The following CAMTA1 variants were observed in gnomAD, a reference collection of about 807,000 sequenced individuals.
CAMTA1 encodes calmodulin-binding transcription activator 1.
A neutral mutation model predicts 170.9 loss-of-function variants in CAMTA1; 27 were observed. The ratio of observed to expected loss-of-function variants is 0.16; its 90% CI spans 0.12 to 0.22. The LOEUF is 0.22. Ranked by LOEUF, CAMTA1 falls within the 10% of genes least tolerant of loss-of-function variation. The probability of loss-of-function intolerance (pLI) is 1.00; values close to 1 mark genes in which losing one functional copy is unlikely to be tolerated. For missense variants in CAMTA1, 1,619 were observed against 2,217.2 expected (o/e 0.73, Z 5.42); for synonymous variants, 833 against 891.5 (o/e 0.93, Z 1.17).
At chr1:7,549,033 C>A (rs1396791667) in intron 6 of CAMTA1, among the ~76,000 whole-genome samples, 1 of 141,344 alleles carries the variant, frequency 7.1e-6, no homozygotes, top group Non-Finnish European at 1.6e-5. Flanking sequence ...GGTGGAGATG[C>A]CCATGGAAGG....
intron 6 of CAMTA1, among the ~76,000 whole-genome samples, chr1:7,505,290 AAG>A (rs2094084990): frequency 6.6e-6 from 1 of 152,220 alleles, no homozygotes; most frequent in Non-Finnish European, 1.5e-5. Context: ...CCCGGCAGCC[AAG>A]TCGAGGCTCC....
At position 7,286,135 on chromosome 1, in the gene CAMTA1, G is replaced by A. The variant is rs530184558; in HGVS notation, c.438+36509G>A. 4.6e-5 allele frequency among the ~76,000 whole-genome samples: 7 copies of A among 152,314 alleles called. No individual in the cohort carries two copies. The highest frequency in any genetic ancestry group is 1.9e-4 in the East Asian group (1 of 5,186). ...TGTTCTTGAGGTGTGCACAGCCTGCGTGCTGAGGGGATGAGTGAGCCTGCT... is the reference window on the plus strand; with the variant it reads ...TGTTCTTGAGGTGTGCACAGCCTGCATGCTGAGGGGATGAGTGAGCCTGCT... On this transcript the variant is annotated intron_variant, in intron 5 of 22. Transcript: ENST00000303635. This position sits in a 1 kb window ranked among gnomAD's most constrained non-coding sequence, Gnocchi z 4.2.
At chr1:7,005,547 C>A (rs576287641) in intron 3 of CAMTA1, among the ~76,000 whole-genome samples, 30 of 152,224 alleles carry the variant, frequency 2.0e-4, no homozygotes, top group Middle Eastern at 3.4e-3. Flanking sequence ...TGAGGATGTG[C>A]TCGTGGGTGA....
intron 6 of CAMTA1, among the ~76,000 whole-genome samples, chr1:7,548,156 T>C (rs1341629628): frequency 6.6e-6 from 1 of 152,230 alleles, no homozygotes; most frequent in Non-Finnish European, 1.5e-5. Context: ...GCAACAGGCA[T>C]TAACCAGGTC....
chr1:7,614,277 G>A (rs1576406453), intron 6 of CAMTA1, among the ~76,000 whole-genome samples: 2 of 152,204 alleles, frequency 1.3e-5, no homozygotes, highest in Admixed American at 6.5e-5. Context: ...GCTGGCCTAT[G>A]TGTCCATCCC....
At chr1:7,396,875 T>A (rs928938217) in intron 5 of CAMTA1, among the ~76,000 whole-genome samples, 1 of 152,236 alleles carries the variant, frequency 6.6e-6, no homozygotes, top group Non-Finnish European at 1.5e-5. Flanking sequence ...ATCTCTTTAA[T>A]GTACTGTTGA....
rs535251766 is a variant in CAMTA1, at chr1:6,825,057, T to C, written c.116-35T>C. ...GTACTTTAAAGGAGATTTTATCTAT[T>C]ATTTTCTCTAAATTTATTGTTTTCT... On this transcript the variant is annotated intron_variant, in intron 2 of 22. Transcript: ENST00000303635. 3.2e-6 allele frequency: 4 copies of C among 1,259,414 alleles called. No homozygotes were observed. The South Asian group carries it at 5.3e-5, about 17-fold the overall frequency. The allele number at this position is 1,259,414 out of a possible 1,614,324, so 78.0% of individuals were successfully genotyped here. A position where few individuals can be genotyped will look rare whatever the true frequency, so the allele number is the denominator to read the frequency against.
chr1:7,287,679 C>T (rs970163557), intron 5 of CAMTA1, among the ~76,000 whole-genome samples: 3 of 152,152 alleles, frequency 2.0e-5, no homozygotes, highest in Admixed American at 2.0e-4. Flanking sequence ...CCCTGGAATG[C>T]CAGTGGCTTA....
chr1:7,663,228 G>A (rs1478543093), intron 8 of CAMTA1, 125 bp from the exon 9 acceptor site: 5 of 1,337,466 alleles, frequency 3.7e-6, no homozygotes, highest in Non-Finnish European at 5.0e-6. Context: ...GACTTTGCCA[G>A]GGACCCCAGC....
intron 5 of CAMTA1, among the ~76,000 whole-genome samples, chr1:7,462,196 C>T (rs1176592870): frequency 1.3e-5 from 2 of 151,318 alleles, no homozygotes; most frequent in South Asian, 2.1e-4. Context: ...GGTGTGATCT[C>T]GGCTCACCAC....
rs973681494 is a variant in CAMTA1, at chr1:7,300,513, C to T, written c.438+50887C>T. On this transcript the variant is annotated intron_variant, in intron 5 of 22. Transcript: ENST00000303635. This position sits in a 1 kb window ranked among gnomAD's most constrained non-coding sequence, Gnocchi z 4.1. Reference sequence around the variant, plus strand: ...CCAACATGGTGAAACCCCGTCTCTACTAAAAATACAAAAATTAGTCAGGCC... The same window carrying T: ...CCAACATGGTGAAACCCCGTCTCTATTAAAAATACAAAAATTAGTCAGGCC... Among the ~76,000 whole-genome samples, 2 of 152,152 alleles carry T rather than the reference C, an allele frequency of 1.3e-5. No homozygotes were observed. The highest frequency in any genetic ancestry group is 4.8e-5 in the African/African-American group (2 of 41,432).
chr1:7,681,281 G>A lies in CAMTA1; in HGVS notation c.2914+3548G>A, dbSNP rs1289361123. 6.6e-6 allele frequency among the ~76,000 whole-genome samples: 1 copy of A among 152,202 alleles called. No individual in the cohort carries two copies. Among genetic ancestry groups the A allele is most frequent in the Non-Finnish European group, 1.5e-5 (1 of 68,040 alleles). On this transcript the variant is annotated intron_variant, in intron 11 of 22. Transcript: ENST00000303635. The surrounding 1 kb of genome is among the most constrained non-coding windows in gnomAD (Gnocchi z 4.6). ...TGAATGCAGGCACACGTGAATGAGT[G>A]CAGGAGGGACTGTCAAAAAGCTGAA... is the stretch of plus-strand genomic sequence containing the variant.
chr1:7,582,021 G>C (rs1478980420), intron 6 of CAMTA1, among the ~76,000 whole-genome samples: 1 of 152,144 alleles, frequency 6.6e-6, no homozygotes, highest in Non-Finnish European at 1.5e-5. Flanking sequence ...TGCTCTTGTT[G>C]GCTTTCTGGG....
intron 6 of CAMTA1, among the ~76,000 whole-genome samples, chr1:7,549,046 C>T (rs2094758304): frequency 7.3e-6 from 1 of 137,290 alleles, no homozygotes; most frequent in African/African-American, 2.7e-5. Flanking sequence ...ATGGAAGGTG[C>T]CCCCTTAGGG....
intron 6 of CAMTA1, among the ~76,000 whole-genome samples, chr1:7,586,850 G>A (rs1267436959): frequency 6.6e-6 from 1 of 152,050 alleles, no homozygotes; most frequent in East Asian, 1.9e-4. Context: ...GAACTGAGGT[G>A]CCCCTTGCTG....
Position 7,010,794 on chromosome 1 carries a change from T to C in CAMTA1, c.235-80510T>C, listed in dbSNP as rs1699666389. ...ATTTCTTACTAACAGTTTCTTGTAC[T>C]CAGCTTCCCCATCACCTTCCTTCCA... On this transcript the variant is annotated intron_variant, in intron 3 of 22. Transcript: ENST00000303635. This position sits in a 1 kb window ranked among gnomAD's most constrained non-coding sequence, Gnocchi z 4.4. Among the ~76,000 whole-genome samples, 1 of 152,204 alleles carries C rather than the reference T, an allele frequency of 6.6e-6. No individual in the cohort carries two copies. Among genetic ancestry groups the C allele is most frequent in the South Asian group, 2.1e-4 (1 of 4,832 alleles).
At chr1:6,869,238 C>T (rs1050088772) in intron 3 of CAMTA1, among the ~76,000 whole-genome samples, 1 of 152,136 alleles carries the variant, frequency 6.6e-6, no homozygotes, top group Non-Finnish European at 1.5e-5. Context: ...GCTGCTGGCG[C>T]CTGGGAGTGG....
chr1:7,372,474 C>T (rs1360175384), intron 5 of CAMTA1, among the ~76,000 whole-genome samples: 1 of 152,246 alleles, frequency 6.6e-6, no homozygotes, highest in Non-Finnish European at 1.5e-5. Flanking sequence ...AGTCGAGCTG[C>T]ACGTCTTTCC....
chr1:7,513,654 G>A (rs533805618), intron 6 of CAMTA1, among the ~76,000 whole-genome samples: 21 of 152,304 alleles, frequency 1.4e-4, no homozygotes, highest in African/African-American at 4.1e-4. Context: ...TGGGCGTGGT[G>A]GCTCACACCT....
Sources: gnomAD v4.1 joint callset for allele counts (sites outside exome capture counted in the v4.1 genomes callset) on GRCh38, gnomAD v4.1.1 for gene constraint, Gnocchi (gnomAD v3.1) non-coding constraint, MANE v1.5 for transcripts, NCBI Gene and HGNC (gene_info 2026-07-23, HGNC 2026-07-21) for gene names.